The following FHOD3 variants were observed in gnomAD, a reference collection of about 807,000 sequenced individuals.
FHOD3 encodes formin homology 2 domain containing 3.
Under a neutral mutation model 173.0 loss-of-function variants are expected in FHOD3, and 90 were observed. The ratio of observed to expected loss-of-function variants is 0.52; its 90% confidence interval spans 0.44 to 0.62. The LOEUF (loss-of-function observed/expected upper bound fraction) is 0.62. FHOD3 is among the 20% of genes least tolerant of loss of function. The pLI is 0.00. For missense variants in FHOD3, 1,945 were observed against 2,034.7 expected (o/e 0.96, Z 0.85); for synonymous variants, 828 against 823.0 (o/e 1.01, Z -0.10).
At chr18:36,679,830 A>AT (rs1319748294) in intron 14 of FHOD3, among the ~76,000 whole-genome samples, 2 of 152,134 alleles carry the variant, frequency 1.3e-5, no homozygotes, top group African/African-American at 2.4e-5. Flanking sequence ...GTCCTTATAT[A>AT]TTTGAAAGAA....
At chr18:36,743,360 A>G (rs368417244) in intron 22 of FHOD3, among the ~76,000 whole-genome samples, 14 of 150,266 alleles carry the variant, frequency 9.3e-5, no homozygotes, top group African/African-American at 2.9e-4. Context: ...ATTTATTTCA[A>G]TCTGTGTCTT....
chr18:36,342,383 A>G (rs1433557758), intron 1 of FHOD3, among the ~76,000 whole-genome samples: 1 of 152,176 alleles, frequency 6.6e-6, no homozygotes, highest in African/African-American at 2.4e-5. Flanking sequence ...ACTAGATAGG[A>G]TAATTACAAG....
chr18:36,590,341 G>A (rs2059173479), intron 6 of FHOD3, among the ~76,000 whole-genome samples: 1 of 152,044 alleles, frequency 6.6e-6, no homozygotes, highest in African/African-American at 2.4e-5. Flanking sequence ...GATACATGAG[G>A]GCATCAGAGT....
At chr18:36,329,697 C>T (rs1427645869) in intron 1 of FHOD3, among the ~76,000 whole-genome samples, 1 of 152,060 alleles carries the variant, frequency 6.6e-6, no homozygotes, top group African/African-American at 2.4e-5. Flanking sequence ...AGGATGAGGC[C>T]AGCTGGTGTT....
At position 36,494,927 on chromosome 18, in the gene FHOD3, C is replaced by T. The variant is rs185915231; in HGVS notation, c.338-7005C>T. 9.9e-5 allele frequency among the ~76,000 whole-genome samples: 15 copies of T among 152,220 alleles called. No individual in the cohort carries two copies. The East Asian group carries it at 2.7e-3, about 27-fold the overall frequency. ...CCAGCAGGCATTTCCCTATGTCAGACGTCATGCCCAAACCAGCAACTCTGA... is the reference window on the plus strand; with the variant it reads ...CCAGCAGGCATTTCCCTATGTCAGATGTCATGCCCAAACCAGCAACTCTGA... On this transcript the variant is annotated intron_variant, in intron 3 of 28. Transcript: ENST00000590592.
At chr18:36,434,894 C>A (rs2050734967) in intron 3 of FHOD3, among the ~76,000 whole-genome samples, 2 of 152,050 alleles carry the variant, frequency 1.3e-5, no homozygotes, top group Middle Eastern at 6.8e-3. Context: ...TTATAGCCTG[C>A]AATTTTGCTA....
At chr18:36,389,946 G>C (rs1351110949) in intron 3 of FHOD3, among the ~76,000 whole-genome samples, 2 of 152,074 alleles carry the variant, frequency 1.3e-5, no homozygotes, top group East Asian at 3.9e-4. Flanking sequence ...GAACTGCCTG[G>C]AGCCCTTCAG....
intron 4 of FHOD3, among the ~76,000 whole-genome samples, chr18:36,509,018 T>A (rs545795978): frequency 6.6e-6 from 1 of 152,338 alleles, no homozygotes; most frequent in South Asian, 2.1e-4. Context: ...CATGCCTCTA[T>A]ATGCAATAAA....
At chr18:36,380,393 G>A (rs1272298703) in intron 3 of FHOD3, among the ~76,000 whole-genome samples, 4 of 151,982 alleles carry the variant, frequency 2.6e-5, no homozygotes, top group Non-Finnish European at 4.4e-5. Context: ...TTGGGGCAAG[G>A]GATAGAGCCA....
In FHOD3 at chr18:36,475,822, C is replaced by CT. The variant is rs1200936205; in HGVS notation, c.338-26101dup. On this transcript the variant is annotated intron_variant, in intron 3 of 28. Transcript: ENST00000590592. ...CATACATACATATATAATTGTAATTCTTTTTTTTTGTAAATTGCAGCATTT... is the reference window on the plus strand; with the variant it reads ...CATACATACATATATAATTGTAATTCTTTTTTTTTTGTAAATTGCAGCATTT... 1.7e-3 allele frequency among the ~76,000 whole-genome samples: 253 copies of CT among 148,836 alleles called. 1 individual carries two copies. Among genetic ancestry groups the CT allele is most frequent in the African/African-American group, 5.6e-3 (229 of 40,558 alleles).
chr18:36,709,554 G>A (rs964355105), intron 18 of FHOD3, 163 bp downstream of exon 18: 16 of 733,088 alleles, frequency 2.2e-5, no homozygotes, highest in South Asian at 1.4e-4. Flanking sequence ...GTGTGGCCAC[G>A]CTGGCAGCCA....
At chr18:36,367,534 A>G (rs560134254) in intron 2 of FHOD3, among the ~76,000 whole-genome samples, 12 of 152,292 alleles carry the variant, frequency 7.9e-5, no homozygotes, top group African/African-American at 2.9e-4. Context: ...ACACAGACTC[A>G]AAAGGAGTGG....
At chr18:36,659,088 G>T (rs373563523) in intron 14 of FHOD3, among the ~76,000 whole-genome samples, 1 of 152,136 alleles carries the variant, frequency 6.6e-6, no homozygotes, top group East Asian at 1.9e-4. Flanking sequence ...AGCAACCTGC[G>T]TTCCACATTT....
chr18:36,470,712 G>A (rs747126959), intron 3 of FHOD3, among the ~76,000 whole-genome samples: 5 of 152,174 alleles, frequency 3.3e-5, no homozygotes, highest in Admixed American at 6.5e-5. Flanking sequence ...CCTCTGGGGG[G>A]CAAAAAGCAG....
At chr18:36,695,841 A>ATTC (rs2039252282) in intron 17 of FHOD3, among the ~76,000 whole-genome samples, 1 of 152,330 alleles carries the variant, frequency 6.6e-6, no homozygotes, top group South Asian at 2.1e-4. Flanking sequence ...TTAATAGTAT[A>ATTC]TTCTTTTTAC....
At chr18:36,752,317 A>G (rs1010438972) in intron 24 of FHOD3, among the ~76,000 whole-genome samples, 3 of 152,178 alleles carry the variant, frequency 2.0e-5, no homozygotes, top group African/African-American at 7.2e-5. Flanking sequence ...ACTGCCATTC[A>G]AGGGGGAGAG....
intron 3 of FHOD3, among the ~76,000 whole-genome samples, chr18:36,449,035 C>T (rs1205122406): frequency 2.0e-5 from 3 of 151,862 alleles, no homozygotes; most frequent in Non-Finnish European, 4.4e-5. Flanking sequence ...CTCTTTTACC[C>T]TGATGCTTCA....
In FHOD3 at chr18:36,681,458, A is replaced by G. The variant is rs372938962; in HGVS notation, c.1858A>G (p.Thr620Ala). 2 of 1,613,732 alleles carry G rather than the reference A, an allele frequency of 1.2e-6. No homozygotes were observed. The highest frequency in any genetic ancestry group is 1.3e-5 in the African/African-American group (1 of 74,900). Residue 620 changes from threonine to alanine, a missense_variant, in exon 15 of 29, where the codon ACA (threonine) becomes GCA (alanine). By Grantham distance (58) the Thr-to-Ala change is moderately conservative. Around this residue, in one of 5 missense-constraint regions of FHOD3, gnomAD observed 1,099 missense variants for 1,051.2 expected, o/e 1.05. Transcript: ENST00000590592. ...LERSSPSGLL[T>A]SSFRQHQESL... ...CAGGTCATCACCGAGTGGTCTTCTC[A>G]CATCATCCTTCAGGCAGCACCAAGA... is the stretch of plus-strand genomic sequence containing the variant.
intron 10 of FHOD3, among the ~76,000 whole-genome samples, chr18:36,646,708 G>T (rs979004260): frequency 6.6e-6 from 1 of 152,144 alleles, no homozygotes; most frequent in Non-Finnish European, 1.5e-5. Context: ...CTCTACAAAT[G>T]TAAATCTGAA....
Sources: gnomAD v4.1 joint callset for allele counts (sites outside exome capture counted in the v4.1 genomes callset) on GRCh38, gnomAD v4.1.1 for gene constraint, gnomAD v4.1.1 regional missense constraint, MANE v1.5 for transcripts, NCBI Gene and HGNC (gene_info 2026-07-23, HGNC 2026-07-21) for gene names.